Variants in PCDHA9 observed in about 807,000 individuals in gnomAD.
The protein encoded by PCDHA9 is protocadherin alpha-9.
PCDHA9 carries 62 observed loss-of-function variants against 62.0 expected under a neutral mutation model. The observed-to-expected ratio is 1.00, with a 90% CI of 0.81 to 1.23. The LOEUF (loss-of-function observed/expected upper bound fraction) is 1.23. PCDHA9 is among the 50% of genes most tolerant of loss of function. The probability of loss-of-function intolerance (pLI) is 0.00; values close to 1 mark genes in which losing one functional copy is unlikely to be tolerated. For missense variants in PCDHA9, 1,205 were observed against 1,249.8 expected, an observed-to-expected ratio of 0.96 and a Z score of 0.54; for synonymous variants, 557 against 567.6, an observed-to-expected ratio of 0.98 and a Z score of 0.27.
intron 1 of PCDHA9, chr5:140,860,573 A>G (rs1299479847): frequency 6.6e-6 from 1 of 152,226 alleles, no homozygotes; most frequent in Non-Finnish European, 1.5e-5. Context: ...ATCATACACA[A>G]GAAGGTATAG....
rs2150412128 is a variant in PCDHA9 at position 140,848,533 on chromosome 5, C to T, written c.38C>T (p.Pro13Leu). 6.3e-6 allele frequency: 10 copies of T among 1,594,958 alleles called. No homozygotes were observed. In the East Asian group the frequency reaches 1.8e-4, roughly 28 times the overall value. Residue 13 changes from proline to leucine, a missense_variant, in exon 1 of 4, where the codon CCT (proline) becomes CTT (leucine). Transcript: ENST00000532602. ...AGTCGAGGAGATCCAGAGGGTCAGC[C>T]TCTACTGCTCTCGCTTCTGATCCTC... ...YSSRGDPEGQ[P>L]LLLSLLILAM...
intron 1 of PCDHA9, chr5:140,868,781 A>G (rs868977486): frequency 3.0e-5 from 9 of 299,116 alleles, no homozygotes; most frequent in African/African-American, 1.5e-4. Flanking sequence ...ATGACTTATA[A>G]TCTGAATATT....
At chr5:140,872,997 A>G (rs1391702817) in intron 1 of PCDHA9, among the ~76,000 whole-genome samples, 2 of 152,104 alleles carry the variant, frequency 1.3e-5, no homozygotes, top group East Asian at 3.9e-4. Flanking sequence ...TTTACTTCTG[A>G]GTCATTCTTC....
In PCDHA9 at chr5:140,945,883, GAA is replaced by G. The variant is rs2093856247; in HGVS notation, c.2395-33063_2395-33062del. On this transcript the variant is annotated intron_variant, in intron 1 of 3. Transcript: ENST00000532602. ...GACCTGAAATTGTAAAACTAACAAA[GAA>G]AACACAGTGGGAAAGATGAAAGATC... Among the ~76,000 whole-genome samples the G allele has an allele frequency of 2.6e-5, 4 of 152,104 alleles. No homozygotes were observed. The South Asian group carries it at 8.3e-4, about 32-fold the overall frequency.
intron 1 of PCDHA9, among the ~76,000 whole-genome samples, chr5:140,935,203 A>T (rs1403808889): frequency 6.6e-6 from 1 of 152,160 alleles, no homozygotes; most frequent in African/African-American, 2.4e-5. Flanking sequence ...GTTTCTAGGT[A>T]TCTTCAGCTA....
chr5:140,869,375 A>C, intron 1 of PCDHA9: 1 of 1,614,116 alleles, frequency 6.2e-7, no homozygotes, highest in Non-Finnish European at 8.5e-7. Flanking sequence ...TCTCGGATCG[A>C]CCGCGAGGAG....
chr5:140,854,184 T>C, intron 1 of PCDHA9: 1 of 612,228 alleles, frequency 1.6e-6, no homozygotes, highest in Non-Finnish European at 2.0e-6. Context: ...AAAGAGTAGT[T>C]TAACTACTCC....
chr5:140,985,346 A>G (rs2097147411), intron 3 of PCDHA9, among the ~76,000 whole-genome samples: 1 of 152,186 alleles, frequency 6.6e-6, no homozygotes, highest in African/African-American at 2.4e-5. Flanking sequence ...GCAGGCCCAG[A>G]TATAGACCCT....
intron 3 of PCDHA9, among the ~76,000 whole-genome samples, chr5:141,007,388 TAAAATAC>T (rs1451350698): frequency 1.5e-5 from 1 of 67,196 alleles, no homozygotes; most frequent in Non-Finnish European, 2.7e-5. Context: ...CCATCTCTAC[TAAAATAC>T]AAAAAAAAAA....
intron 1 of PCDHA9, chr5:140,967,828 CATCGTGG>C: frequency 6.2e-7 from 1 of 1,614,146 alleles, no homozygotes. Flanking sequence ...TGCTGGTGGA[CATCGTGG>C]ACGTGAATGA....
At chr5:140,870,819 G>C (rs1365807310) in intron 1 of PCDHA9, 3 of 1,613,714 alleles carry the variant, frequency 1.9e-6, no homozygotes, top group South Asian at 1.1e-5. Flanking sequence ...CTGGCAGCGC[G>C]GGAGGCGCAG....
chr5:140,933,379 G>T (rs1403607512), intron 1 of PCDHA9, among the ~76,000 whole-genome samples: 1 of 151,928 alleles, frequency 6.6e-6, no homozygotes, highest in Non-Finnish European at 1.5e-5. Flanking sequence ...TTCCTTGGCT[G>T]TTCCTAGAGC....
intron 1 of PCDHA9, among the ~76,000 whole-genome samples, chr5:140,963,972 A>G (rs1233467161): frequency 2.0e-5 from 3 of 152,216 alleles, no homozygotes; most frequent in Non-Finnish European, 4.4e-5. Flanking sequence ...GACTGACTCC[A>G]AAGTCTATAT....
chr5:141,007,472 G>A (rs2098331789), intron 3 of PCDHA9, among the ~76,000 whole-genome samples: 1 of 151,844 alleles, frequency 6.6e-6, no homozygotes, highest in Non-Finnish European at 1.5e-5. Context: ...GGAGGCTGAG[G>A]CACGAGAATT....
intron 1 of PCDHA9, among the ~76,000 whole-genome samples, chr5:140,953,094 C>A (rs2094845891): frequency 6.6e-6 from 1 of 152,172 alleles, no homozygotes; most frequent in South Asian, 2.1e-4. Flanking sequence ...TACAATTTGA[C>A]ATGAGATTTG....
At chr5:140,915,259 T>A (rs1344301014) in intron 1 of PCDHA9, among the ~76,000 whole-genome samples, 2 of 152,182 alleles carry the variant, frequency 1.3e-5, no homozygotes, top group African/African-American at 2.4e-5. Flanking sequence ...GTTGTTATTA[T>A]TTTTGACCAG....
rs543277248 is a variant in PCDHA9, at chr5:140,857,767, C to A, written c.2394+6878C>A. ...TGGCGTCTCCCGCTGGCAGCGCGGG[C>A]GGTGCAGTCAGTGAGCTGGTGCTGC... On this transcript the variant is annotated intron_variant, in intron 1 of 3. Coordinates refer to ENST00000532602, the MANE Select transcript of PCDHA9 (RefSeq NM_031857.2). 127 of 1,597,456 alleles carry A rather than the reference C, an allele frequency of 8.0e-5. 4 individuals are homozygous for A. The South Asian group carries it at 1.3e-3, about 16-fold the overall frequency.
Position 140,945,638 on chromosome 5 carries a change from A to G in PCDHA9, c.2395-33311A>G, listed in dbSNP as rs187448798. ...CATGGTACTGGCATAAAAGACATGTAGACCAATGGAGCAGAATACAGCTCC... is the reference window on the plus strand; with the variant it reads ...CATGGTACTGGCATAAAAGACATGTGGACCAATGGAGCAGAATACAGCTCC... On this transcript the variant is annotated intron_variant, in intron 1 of 3. Transcript: ENST00000532602. 2.6e-5 allele frequency among the ~76,000 whole-genome samples: 4 copies of G among 152,300 alleles called. No homozygotes were observed. The East Asian group carries it at 5.8e-4, about 22-fold the overall frequency.
intron 1 of PCDHA9, among the ~76,000 whole-genome samples, chr5:140,944,212 G>A (rs2093625655): frequency 6.6e-6 from 1 of 152,158 alleles, no homozygotes; most frequent in Non-Finnish European, 1.5e-5. Flanking sequence ...TTTTTAAAGA[G>A]GGTTTTACTC....
Sources: gnomAD v4.1 joint callset for allele counts (sites outside exome capture counted in the v4.1 genomes callset) on GRCh38, gnomAD v4.1.1 for gene constraint, MANE v1.5 for transcripts, NCBI Gene and HGNC (gene_info 2026-07-23, HGNC 2026-07-21) for gene names.